Variants in SLC18A2 observed in about 807,000 individuals in gnomAD.
SLC18A2 encodes the protein synaptic vesicular amine transporter.
A neutral mutation model predicts 59.2 loss-of-function variants in SLC18A2; 33 were observed. That is an observed-to-expected ratio of 0.56 (90% CI 0.42 to 0.75). The LOEUF is 0.75. Ranked by LOEUF, SLC18A2 falls within the 30% of genes least tolerant of loss-of-function variation. SLC18A2 has a pLI of 0.00. For missense variants in SLC18A2, 569 were observed against 668.6 expected, an observed-to-expected ratio of 0.85 and a Z score of 1.64; for synonymous variants, 228 against 253.5, an observed-to-expected ratio of 0.90 and a Z score of 0.95.
chr10:117,253,964 A>AG (rs1362651530), intron 4 of SLC18A2, 84 bp from the exon 5 acceptor site: 5 of 1,241,724 alleles, frequency 4.0e-6, no homozygotes, highest in South Asian at 2.5e-5. Context: ...CACTGGGTTA[A>AG]GGGGGGCTTC....
intron 10 of SLC18A2, among the ~76,000 whole-genome samples, chr10:117,260,862 C>T (rs780846408): frequency 3.7e-4 from 56 of 152,272 alleles, no homozygotes; most frequent in Admixed American, 1.0e-3. Flanking sequence ...TAGAGCAGGG[C>T]GTCCTCAGAA....
chr10:117,267,725 GT>G lies in SLC18A2; in HGVS notation c.1179del (p.Phe393LeufsTer10). On this transcript the variant is annotated frameshift_variant, in exon 13 of 16. Transcript: ENST00000644641. LOFTEE classifies it high-confidence loss of function. ...YGLIAPNFGV[G>X]FAIGMVDSSM... ...CTCATAGCTCCGAACTTTGGAGTTG[GT>G]TTTGCAATTGGTAAGTCACACGAAC... is the stretch of plus-strand genomic sequence containing the variant. 1 of 1,557,896 alleles carries G rather than the reference GT, an allele frequency of 6.4e-7. No individual in the cohort carries two copies. The highest frequency in any genetic ancestry group is 8.8e-7 in the Non-Finnish European group (1 of 1,137,644).
intron 4 of SLC18A2, among the ~76,000 whole-genome samples, chr10:117,253,685 A>C (rs1174963244): frequency 1.3e-5 from 2 of 152,122 alleles, no homozygotes; most frequent in Non-Finnish European, 2.9e-5. Context: ...GTCTCTACTA[A>C]AAATACAAAA....
At chr10:117,262,830 C>T (rs1387297271) in intron 10 of SLC18A2, among the ~76,000 whole-genome samples, 2 of 152,092 alleles carry the variant, frequency 1.3e-5, no homozygotes, top group Non-Finnish European at 2.9e-5. Context: ...CTGGGTCTCC[C>T]GGCCACCTAG....
chr10:117,269,231 A>T lies in SLC18A2; in HGVS notation c.1187-840A>T, dbSNP rs1160212195. On this transcript the variant is annotated intron_variant, in intron 13 of 15. Coordinates refer to ENST00000644641, the MANE Select transcript of SLC18A2 (RefSeq NM_003054.6). The surrounding 1 kb of genome is among the most constrained non-coding windows in gnomAD (Gnocchi z 5.1). The stretch of plus-strand genomic sequence containing the variant: ...CACATACACACACATACACAAATAC[A>T]AGTACATACACAAACACATATACAC... Among the ~76,000 whole-genome samples the T allele has an allele frequency of 2.0e-5, 3 of 151,840 alleles. No homozygotes were observed. The highest frequency in any genetic ancestry group is 4.4e-5 in the Non-Finnish European group (3 of 67,912).
rs371054254 is a variant in SLC18A2, at chr10:117,241,822, C to T, written c.121+8C>T. The T allele has an allele frequency of 6.2e-7, 1 of 1,602,844 alleles. No individual in the cohort carries two copies. The highest frequency in any genetic ancestry group is 8.5e-7 in the Non-Finnish European group (1 of 1,175,810). On this transcript the variant is annotated splice_region_variant and intron_variant, in intron 2 of 15. Transcript: ENST00000644641. ...TGCTGCTCACTGTCGTGGGTACGTG[C>T]GGACAGGGCACCCCTGCCCCGGCAC...
At chr10:117,266,328 A>C (rs569091725) in intron 10 of SLC18A2, among the ~76,000 whole-genome samples, 1 of 152,066 alleles carries the variant, frequency 6.6e-6, no homozygotes, top group East Asian at 1.9e-4. Context: ...TAATTTTAAC[A>C]TTTTTCTTTT....
In SLC18A2 at chr10:117,277,366, T is replaced by C. The variant is rs531345460; in HGVS notation, c.*100T>C. On this transcript the variant is annotated 3_prime_UTR_variant, in exon 16 of 16. Transcript: ENST00000644641. ...CTGTCTTAGTCATACCATCCATCCC[T>C]GGTGAAAGAGTAAAACCAAAGGTTA... 4 of 639,708 alleles carry C rather than the reference T, an allele frequency of 6.3e-6. No homozygotes were observed. The highest frequency in any genetic ancestry group is 1.0e-5 in the Non-Finnish European group (4 of 386,960). The allele number at this position is 639,708 out of a possible 1,614,324, so 39.6% of individuals were successfully genotyped here.
In SLC18A2 at chr10:117,270,112, G is replaced by T; in HGVS notation, c.1228G>T (p.Val410Leu). 6.2e-7 allele frequency: 1 copy of T among 1,614,212 alleles called. No homozygotes were observed. Among genetic ancestry groups the T allele is most frequent in the Admixed American group, 1.7e-5 (1 of 60,028 alleles). The change falls in exon 14 of 16, where the codon GTA becomes TTA. Residue 410 changes from valine to leucine, a missense_variant. Coordinates refer to ENST00000644641, the MANE Select transcript of SLC18A2 (RefSeq NM_003054.6). ...SSMMPIMGYLVDLRHVSVYGS... is the reference protein window; with the variant it reads ...SSMMPIMGYLLDLRHVSVYGS... ...AATGATGCCTATCATGGGCTACCTCGTAGACCTGCGGCACGTGTCCGTCTA... is the reference window on the plus strand; with the variant it reads ...AATGATGCCTATCATGGGCTACCTCTTAGACCTGCGGCACGTGTCCGTCTA...
At chr10:117,261,238 C>T (rs2133738361) in intron 10 of SLC18A2, among the ~76,000 whole-genome samples, 2 of 138,092 alleles carry the variant, frequency 1.4e-5, no homozygotes, top group Middle Eastern at 7.5e-3. Context: ...CCAAAAACAG[C>T]AACAAAAAAA....
intron 1 of SLC18A2, 122 bp from the exon 2 acceptor site, chr10:117,241,557 C>G (rs1844052429): frequency 8.9e-7 from 1 of 1,119,920 alleles, no homozygotes; most frequent in Non-Finnish European, 1.2e-6. Flanking sequence ...GGCTGGGGCG[C>G]CCGGGGGTGT....
In SLC18A2 at chr10:117,277,364, C is replaced by A; in HGVS notation, c.*98C>A. The stretch of plus-strand genomic sequence containing the variant: ...AACTGTCTTAGTCATACCATCCATC[C>A]CTGGTGAAAGAGTAAAACCAAAGGT... On this transcript the variant is annotated 3_prime_UTR_variant, in exon 16 of 16. Coordinates refer to ENST00000644641, the MANE Select transcript of SLC18A2 (RefSeq NM_003054.6). The A allele has an allele frequency of 1.5e-6, 1 of 658,422 alleles. No individual in the cohort carries two copies. Among genetic ancestry groups the A allele is most frequent in the South Asian group, 2.3e-5 (1 of 43,434 alleles). 40.8% of individuals were successfully genotyped at this position (658,422 alleles called of 1,614,324 possible).
At chr10:117,264,620 T>C (rs908681478) in intron 10 of SLC18A2, among the ~76,000 whole-genome samples, 4 of 152,340 alleles carry the variant, frequency 2.6e-5, no homozygotes, top group African/African-American at 9.6e-5. Context: ...GATCTCTCTT[T>C]GCTCCATTTT....
At position 117,241,896 on chromosome 10, in the gene SLC18A2, C is replaced by G. The variant is rs963544641; in HGVS notation, c.121+82C>G. 13 of 1,342,752 alleles carry G rather than the reference C, an allele frequency of 9.7e-6. No homozygotes were observed. The African/African-American group carries it at 2.0e-4, about 20-fold the overall frequency. The allele number at this position is 1,342,752 out of a possible 1,614,324, so 83.2% of individuals were successfully genotyped here. On this transcript the variant is annotated intron_variant, in intron 2 of 15. Coordinates refer to ENST00000644641, the MANE Select transcript of SLC18A2 (RefSeq NM_003054.6). ...GGCACTCCACTTACCCCTGCGCGGT[C>G]CCGGAGCTCCGCCAAGGCCCGGGAA...
intron 10 of SLC18A2, among the ~76,000 whole-genome samples, chr10:117,260,782 A>T (rs1392265086): frequency 6.6e-6 from 1 of 152,180 alleles, no homozygotes; most frequent in African/African-American, 2.4e-5. Flanking sequence ...TTTGGAAATC[A>T]CTCAGGAAGG....
intron 3 of SLC18A2, among the ~76,000 whole-genome samples, chr10:117,252,305 C>A (rs560978125): frequency 5.9e-5 from 9 of 151,914 alleles, no homozygotes. Flanking sequence ...TTTATTAAAG[C>A]CTGGAATGGA....
At chr10:117,262,966 A>G (rs896680854) in intron 10 of SLC18A2, among the ~76,000 whole-genome samples, 34 of 152,200 alleles carry the variant, frequency 2.2e-4, no homozygotes, top group Admixed American at 1.2e-3. Context: ...GCCAGAAGCC[A>G]TGGGCCATCA....
intron 3 of SLC18A2, among the ~76,000 whole-genome samples, chr10:117,251,232 A>T (rs1844158990): frequency 6.6e-6 from 1 of 152,186 alleles, no homozygotes; most frequent in South Asian, 2.1e-4. Flanking sequence ...AGCCCGGAAG[A>T]TTGTCATATG....
Position 117,269,356 on chromosome 10 carries a change from A to G in SLC18A2, c.1187-715A>G, listed in dbSNP as rs554902454. Among the ~76,000 whole-genome samples the G allele has an allele frequency of 6.6e-6, 1 of 152,264 alleles. No individual in the cohort carries two copies. Among genetic ancestry groups the G allele is most frequent in the South Asian group, 2.1e-4 (1 of 4,824 alleles). Reference sequence around the variant, plus strand: ...AATACACATACACACATGCATACACACATATACATAGACATACACAGATAC... The same window carrying G: ...AATACACATACACACATGCATACACGCATATACATAGACATACACAGATAC... On this transcript the variant is annotated intron_variant, in intron 13 of 15. Transcript: ENST00000644641. This position sits in a 1 kb window ranked among gnomAD's most constrained non-coding sequence, Gnocchi z 5.1.
Sources: allele counts gnomAD v4.1 joint callset (sites outside exome capture counted in the v4.1 genomes callset), GRCh38; gene constraint gnomAD v4.1.1; non-coding constraint Gnocchi (gnomAD v3.1); transcripts MANE v1.5; gene names NCBI Gene and HGNC (gene_info 2026-07-23, HGNC 2026-07-21).